NKAIN3: variants seen among roughly 807,000 people sequenced by gnomAD.
The protein encoded by NKAIN3 is sodium/potassium-transporting ATPase subunit beta-1-interacting protein 3.
A neutral mutation model predicts 30.2 loss-of-function variants in NKAIN3; 25 were observed. The ratio of observed to expected loss-of-function variants is 0.83; its 90% CI spans 0.60 to 1.16. The LOEUF (loss-of-function observed/expected upper bound fraction) is 1.16. Ranked by LOEUF, NKAIN3 falls within the 50% of genes most tolerant of loss-of-function variation. The probability of loss-of-function intolerance (pLI) is 0.00; values close to 1 mark genes in which losing one functional copy is unlikely to be tolerated. For missense variants in NKAIN3, 225 were observed against 254.1 expected (o/e 0.89, Z 0.78); for synonymous variants, 91 against 89.6 (o/e 1.02, Z -0.09).
At chr8:62,351,220 G>A (rs969366316) in intron 1 of NKAIN3, among the ~76,000 whole-genome samples, 54 of 149,876 alleles carry the variant, frequency 3.6e-4, no homozygotes, top group Middle Eastern at 3.5e-3. Flanking sequence ...ATCAAAATCC[G>A]AGGGTGCTAA....
chr8:62,683,298 T>C (rs2130423642), intron 3 of NKAIN3, among the ~76,000 whole-genome samples: 1 of 152,250 alleles, frequency 6.6e-6, no homozygotes, highest in South Asian at 2.1e-4. Flanking sequence ...CCTCCCAAAG[T>C]GCTGAGATTA....
chr8:62,729,228 C>T (rs1468229933), intron 3 of NKAIN3, among the ~76,000 whole-genome samples: 1 of 151,894 alleles, frequency 6.6e-6, no homozygotes, highest in Non-Finnish European at 1.5e-5. Flanking sequence ...ACAGACTCCT[C>T]AACAAGGAAG....
intron 4 of NKAIN3, among the ~76,000 whole-genome samples, chr8:62,832,823 C>T (rs796744774): frequency 9.9e-5 from 15 of 152,066 alleles, no homozygotes; most frequent in African/African-American, 2.6e-4. Flanking sequence ...GACTTAAACT[C>T]GACACTTGGC....
intron 1 of NKAIN3, among the ~76,000 whole-genome samples, chr8:62,354,628 G>A (rs1203545115): frequency 6.6e-6 from 1 of 152,020 alleles, no homozygotes; most frequent in African/African-American, 2.4e-5. Context: ...ATTTTTAGTA[G>A]CAAAGGGTTT....
chr8:62,424,653 C>G (rs1352040634), intron 1 of NKAIN3, among the ~76,000 whole-genome samples: 1 of 151,568 alleles, frequency 6.6e-6, no homozygotes, highest in Non-Finnish European at 1.5e-5. Flanking sequence ...AAAAACATAA[C>G]AAGTATTTAA....
At position 62,423,926 on chromosome 8, in the gene NKAIN3, C is replaced by T. The variant is rs1301959269; in HGVS notation, c.55-155613C>T. ...TTTCATGTATTTTTACTTAGCTGAA[C>T]ACTGGCTTTGTGGGAGTAGTTCTCC... On this transcript the variant is annotated intron_variant, in intron 1 of 6. Transcript: ENST00000623646. 3.3e-5 allele frequency among the ~76,000 whole-genome samples: 5 copies of T among 152,014 alleles called. No homozygotes were observed. In the East Asian group the frequency reaches 9.6e-4, roughly 29 times the overall value.
intron 1 of NKAIN3, among the ~76,000 whole-genome samples, chr8:62,446,595 A>G (rs1166058947): frequency 6.6e-6 from 1 of 152,074 alleles, no homozygotes; most frequent in African/African-American, 2.4e-5. Context: ...CTGAAACTCT[A>G]TGTCCATTAA....
chr8:62,839,834 G>A (rs997015552), intron 4 of NKAIN3, among the ~76,000 whole-genome samples: 1 of 151,842 alleles, frequency 6.6e-6, no homozygotes, highest in African/African-American at 2.4e-5. Context: ...GGCTGGTCTC[G>A]AACTCAGGCC....
At chr8:62,323,348 T>G (rs543204294) in intron 1 of NKAIN3, among the ~76,000 whole-genome samples, 1 of 152,292 alleles carries the variant, frequency 6.6e-6, no homozygotes, top group African/African-American at 2.4e-5. Context: ...ACAATGGGAT[T>G]ATGCACGCCA....
chr8:62,531,072 A>G (rs534793198), intron 1 of NKAIN3, among the ~76,000 whole-genome samples: 19 of 152,108 alleles, frequency 1.2e-4, no homozygotes, highest in Non-Finnish European at 2.2e-4. Flanking sequence ...CTCTGCCCAC[A>G]TCGACCTTTC....
At chr8:62,521,456 T>C (rs141841656) in intron 1 of NKAIN3, among the ~76,000 whole-genome samples, 1 of 152,156 alleles carries the variant, frequency 6.6e-6, no homozygotes, top group African/African-American at 2.4e-5. Context: ...TCTATGGCTG[T>C]GTTTTCAATG....
chr8:62,703,417 T>G (rs1300038735), intron 3 of NKAIN3, among the ~76,000 whole-genome samples: 3 of 152,202 alleles, frequency 2.0e-5, no homozygotes, highest in Admixed American at 2.0e-4. Context: ...TATGTACCAT[T>G]AAATTATTCC....
chr8:62,252,302 A>G (rs1003309849), intron 1 of NKAIN3, among the ~76,000 whole-genome samples: 5 of 152,238 alleles, frequency 3.3e-5, no homozygotes, highest in Non-Finnish European at 7.3e-5. Flanking sequence ...CTGGGAGGTC[A>G]TCACATAGAT....
At chr8:62,927,759 A>G (rs1447639109) in intron 5 of NKAIN3, among the ~76,000 whole-genome samples, 1 of 152,128 alleles carries the variant, frequency 6.6e-6, no homozygotes, top group Non-Finnish European at 1.5e-5. Flanking sequence ...ATATTAACTA[A>G]TCATTCCTAC....
chr8:62,852,694 C>T (rs1195786250), intron 4 of NKAIN3, among the ~76,000 whole-genome samples: 8 of 152,058 alleles, frequency 5.3e-5, no homozygotes, highest in Non-Finnish European at 5.9e-5. Context: ...TTTATTTCTG[C>T]CTTCATTTCG....
chr8:62,563,134 T>C (rs1809640512), intron 1 of NKAIN3, among the ~76,000 whole-genome samples: 2 of 152,148 alleles, frequency 1.3e-5, no homozygotes, highest in South Asian at 2.1e-4. Flanking sequence ...CTGTAACAAA[T>C]TGGCAAGTTG....
intron 2 of NKAIN3, among the ~76,000 whole-genome samples, chr8:62,581,451 G>A (rs2130068674): frequency 6.6e-6 from 1 of 152,288 alleles, no homozygotes; most frequent in African/African-American, 2.4e-5. Flanking sequence ...GTGACATTTA[G>A]TCCTGGTGAT....
chr8:62,654,177 A>AC (rs397693907), intron 3 of NKAIN3, among the ~76,000 whole-genome samples: 1 of 151,936 alleles, frequency 6.6e-6, no homozygotes, highest in Non-Finnish European at 1.5e-5. Flanking sequence ...TGCAAAAAAA[A>AC]ACTACAATTG....
At chr8:62,771,445 A>T (rs1229224985) in intron 4 of NKAIN3, among the ~76,000 whole-genome samples, 3 of 152,162 alleles carry the variant, frequency 2.0e-5, no homozygotes, top group Non-Finnish European at 4.4e-5. Context: ...CAGAAGCATT[A>T]AACTTGAGAA....
Sources: allele counts gnomAD v4.1 joint callset (sites outside exome capture counted in the v4.1 genomes callset), GRCh38; gene constraint gnomAD v4.1.1; transcripts MANE v1.5; gene names NCBI Gene and HGNC (gene_info 2026-07-23, HGNC 2026-07-21).